Variants in KIF26B observed in about 807,000 individuals in gnomAD.
The protein encoded by KIF26B is kinesin family member 26B, also known as kinesin-like protein KIF26B.
In KIF26B, 63 loss-of-function variants were observed where a neutral mutation model predicts 151.2. The ratio of observed to expected loss-of-function variants is 0.42; its 90% CI spans 0.34 to 0.51. The LOEUF is 0.51. KIF26B is among the 20% of genes least tolerant of loss of function. The pLI is 0.07. For missense variants in KIF26B, 2,813 were observed against 2,913.6 expected (o/e 0.97, Z 0.79); for synonymous variants, 1,357 against 1,262.1 (o/e 1.08, Z -1.59).
At chr1:245,505,302 C>T (rs1660710867) in intron 4 of KIF26B, among the ~76,000 whole-genome samples, 1 of 151,616 alleles carries the variant, frequency 6.6e-6, no homozygotes, top group Non-Finnish European at 1.5e-5. Flanking sequence ...CAGATAGTGT[C>T]AGCTGTGTAG....
At chr1:245,486,687 T>G (rs6688306) in intron 4 of KIF26B, among the ~76,000 whole-genome samples, 148,625 of 151,668 alleles carry the variant, frequency 0.98, 72,846 homozygotes, top group Middle Eastern at 1. Flanking sequence ...AATTTTTTTT[T>G]GGGACGAGGT....
intron 2 of KIF26B, among the ~76,000 whole-genome samples, chr1:245,294,993 C>T (rs1236226776): frequency 1.3e-5 from 2 of 152,126 alleles, no homozygotes; most frequent in Admixed American, 6.6e-5. Flanking sequence ...CTGAGTTCTG[C>T]AGATGCTTCT....
intron 9 of KIF26B, among the ~76,000 whole-genome samples, chr1:245,620,395 C>T (rs892546296): frequency 3.4e-5 from 5 of 145,470 alleles, no homozygotes; most frequent in Admixed American, 2.8e-4. Flanking sequence ...AATTCAACAT[C>T]GTTAAAAAAA....
intron 2 of KIF26B, among the ~76,000 whole-genome samples, chr1:245,174,071 A>G (rs1173210684): frequency 1.3e-5 from 2 of 152,250 alleles, no homozygotes; most frequent in East Asian, 1.9e-4. Flanking sequence ...ATACATTACT[A>G]TAATTACATC....
chr1:245,600,466 G>C (rs1439446589), intron 5 of KIF26B, among the ~76,000 whole-genome samples: 2 of 151,576 alleles, frequency 1.3e-5, no homozygotes, highest in East Asian at 4.0e-4. Context: ...CCAAGTAGCT[G>C]GCACCTGTAG....
At chr1:245,165,450 A>G (rs1668599680) in intron 2 of KIF26B, among the ~76,000 whole-genome samples, 1 of 152,056 alleles carries the variant, frequency 6.6e-6, no homozygotes, top group Non-Finnish European at 1.5e-5. Flanking sequence ...GGGTCTCTAG[A>G]GCTTGAGGTG....
intron 4 of KIF26B, among the ~76,000 whole-genome samples, chr1:245,480,679 C>G (rs1050692820): frequency 2.0e-5 from 3 of 151,152 alleles, no homozygotes; most frequent in African/African-American, 4.9e-5. Flanking sequence ...GCTGTCTGTA[C>G]CTGAATTGTT....
intron 5 of KIF26B, among the ~76,000 whole-genome samples, chr1:245,554,778 C>T (rs940165482): frequency 7.2e-5 from 11 of 152,160 alleles, no homozygotes; most frequent in African/African-American, 2.7e-4. Context: ...CCTGTGTTTC[C>T]ATTTTAGCGC....
At chr1:245,508,369 T>C (rs1314467687) in intron 4 of KIF26B, among the ~76,000 whole-genome samples, 2 of 152,158 alleles carry the variant, frequency 1.3e-5, no homozygotes, top group Non-Finnish European at 2.9e-5. Flanking sequence ...GCCTCCCAAG[T>C]AGCTGTGACT....
chr1:245,394,809 G>A (rs769380269), intron 3 of KIF26B, among the ~76,000 whole-genome samples: 1 of 150,286 alleles, frequency 6.7e-6, no homozygotes, highest in Admixed American at 6.7e-5. Context: ...TCCTGCCTCA[G>A]CCTCCCGAGT....
intron 5 of KIF26B, among the ~76,000 whole-genome samples, chr1:245,581,982 T>C (rs2043180152): frequency 7.5e-6 from 1 of 133,658 alleles, no homozygotes; most frequent in South Asian, 2.3e-4. Flanking sequence ...GCAATAAGCA[T>C]GAAGTGGCAG....
intron 12 of KIF26B, among the ~76,000 whole-genome samples, chr1:245,694,496 A>G (rs969668522): frequency 1.3e-5 from 2 of 152,294 alleles, no homozygotes; most frequent in African/African-American, 4.8e-5. Context: ...CAGCACTCAG[A>G]ACACCCATGT....
At chr1:245,425,714 T>A (rs374592838) in intron 4 of KIF26B, among the ~76,000 whole-genome samples, 1 of 152,248 alleles carries the variant, frequency 6.6e-6, no homozygotes, top group African/African-American at 2.4e-5. Context: ...TGTGTTTTTT[T>A]ATTCATGGAG....
intron 4 of KIF26B, among the ~76,000 whole-genome samples, chr1:245,523,696 C>T (rs1390465395): frequency 6.6e-6 from 1 of 152,196 alleles, no homozygotes; most frequent in East Asian, 1.9e-4. Context: ...GCTCCACCCT[C>T]ATGACCTAAT....
chr1:245,349,992 G>C (rs1397140), intron 2 of KIF26B, among the ~76,000 whole-genome samples: 7,384 of 152,124 alleles, frequency 0.049, 471 homozygotes, highest in East Asian at 0.26. Context: ...AATCTTGTTG[G>C]TAACCTCCTG....
At chr1:245,450,545 T>C (rs578075826) in intron 4 of KIF26B, among the ~76,000 whole-genome samples, 2 of 152,360 alleles carry the variant, frequency 1.3e-5, no homozygotes, top group African/African-American at 4.8e-5. Context: ...TGATGGGTAC[T>C]GGGCTGTTGT....
intron 2 of KIF26B, among the ~76,000 whole-genome samples, chr1:245,253,800 C>CTTTTTTT (rs5782330): frequency 1.1e-4 from 8 of 72,174 alleles, no homozygotes; most frequent in South Asian, 5.3e-4. Flanking sequence ...TGAAGTCCTG[C>CTTTTTTT]TTTTTTTTTT....
chr1:245,378,502 C>G (rs1673328214), intron 3 of KIF26B, among the ~76,000 whole-genome samples: 1 of 152,140 alleles, frequency 6.6e-6, no homozygotes, highest in South Asian at 2.1e-4. Context: ...TTTTCACAGT[C>G]GTCTTGTGTG....
In KIF26B at chr1:245,698,165, A is replaced by C; in HGVS notation, c.5884A>C (p.Lys1962Gln). ...LSLDTSSPVR[K>Q]PPNSTGVRWV... ...CCTGGACACCTCTTCCCCTGTGAGA[A>C]AACCCCCCAACAGCACAGGCGTCCG... Residue 1962 changes from lysine to glutamine, a missense_variant, in exon 13 of 15, where the codon AAA becomes CAA. Physicochemically the swap from Lys to Gln is moderately conservative, Grantham distance 53. Transcript: ENST00000407071. This position sits in a 1 kb window ranked among gnomAD's most constrained non-coding sequence, Gnocchi z 4.0. The C allele has an allele frequency of 6.2e-7, 1 of 1,614,048 alleles. No individual in the cohort carries two copies. Among genetic ancestry groups the C allele is most frequent in the Non-Finnish European group, 8.5e-7 (1 of 1,179,890 alleles).
Sources: allele counts gnomAD v4.1 joint callset (sites outside exome capture counted in the v4.1 genomes callset), GRCh38; gene constraint gnomAD v4.1.1; non-coding constraint Gnocchi (gnomAD v3.1); transcripts MANE v1.5; gene names NCBI Gene and HGNC (gene_info 2026-07-23, HGNC 2026-07-21).